Variants in ACOD1 observed in about 807,000 individuals in gnomAD.
The protein encoded by ACOD1 is cis-aconitate decarboxylase.
A neutral mutation model predicts 14.2 loss-of-function variants in ACOD1; 14 were observed. That is an observed-to-expected ratio of 0.99 (90% CI 0.65 to 1.54). The LOEUF is 1.54. Ranked by LOEUF, ACOD1 falls within the 40% of genes most tolerant of loss-of-function variation. The probability of loss-of-function intolerance (pLI) is 0.00; values close to 1 mark genes in which losing one functional copy is unlikely to be tolerated. For synonymous variants in ACOD1, 182 were observed against 221.7 expected, an observed-to-expected ratio of 0.82 and a Z score of 1.59; for missense variants, 530 against 586.3, an observed-to-expected ratio of 0.90 and a Z score of 0.99.
Position 76,955,433 on chromosome 13 carries a change from G to A in ACOD1, c.379G>A (p.Gly127Ser), listed in dbSNP as rs1386647072. The A allele has an allele frequency of 5.2e-6, 8 of 1,550,506 alleles. No homozygotes were observed. In the Admixed American group the frequency reaches 1.6e-4, roughly 30 times the overall value. ...EALPRSPKFS[G>S]LDLLLAFNVG... is the part of the protein sequence containing the mutation. ...CCTGCCAAGGAGTCCAAAGTTTTCT[G>A]GCCTTGACCTGCTGCTGGCTTTCAA... The change falls in exon 4 of 5, where the codon GGC becomes AGC. Residue 127 changes from glycine to serine, a missense_variant. Physicochemically the swap from Gly to Ser is moderately conservative, Grantham distance 56 (BLOSUM62 0). Transcript: ENST00000377462.
chr13:76,952,367 C>T, intron 1 of ACOD1, 122 bp from the exon 2 acceptor site: 1 of 749,636 alleles, frequency 1.3e-6, no homozygotes, highest in Non-Finnish European at 2.1e-6. Flanking sequence ...TAAATCTGAG[C>T]AACTGGGTTT....
chr13:76,949,736 G>A (rs2033805396), intron 1 of ACOD1, among the ~76,000 whole-genome samples: 1 of 152,136 alleles, frequency 6.6e-6, no homozygotes, highest in African/African-American at 2.4e-5. Context: ...GGTTTGTGGG[G>A]GTGAGAAGAG....
At position 76,952,411 on chromosome 13, in the gene ACOD1, G is replaced by A. The variant is rs1363089144; in HGVS notation, c.13-78G>A. On this transcript the variant is annotated intron_variant, in intron 1 of 4. Transcript: ENST00000377462. ...GGAGCAAAACTCTTTATGCAAAAGT[G>A]CCTCAAGGTGTCTTATAGAACAGAA... 19 of 1,243,670 alleles carry A rather than the reference G, an allele frequency of 1.5e-5. No homozygotes were observed. The East Asian group carries it at 4.9e-4, about 32-fold the overall frequency. 77.0% of individuals were successfully genotyped at this position (1,243,670 alleles called of 1,614,324 possible).
Position 76,952,521 on chromosome 13 carries a change from T to C in ACOD1, c.45T>C (p.His15=). The C allele has an allele frequency of 1.3e-6, 2 of 1,550,476 alleles. No homozygotes were observed. The highest frequency in any genetic ancestry group is 1.7e-4 in the Middle Eastern group (1 of 5,992). Residue 15 remains histidine (H), a synonymous_variant, in exon 2 of 5, where the codon CAT becomes CAC. Transcript: ENST00000377462. ...SITESFATAI[H]GLKVGHLTDR... Reference sequence around the variant, plus strand: ...CAGAAAGCTTTGCCACAGCAATCCATGGCTTGAAAGTGGGACACCTGACAG... The same window carrying C: ...CAGAAAGCTTTGCCACAGCAATCCACGGCTTGAAAGTGGGACACCTGACAG...
chr13:76,954,125 G>A (rs781624778), intron 3 of ACOD1, among the ~76,000 whole-genome samples: 11 of 152,146 alleles, frequency 7.2e-5, no homozygotes, highest in Non-Finnish European at 1.0e-4. Context: ...TATAGTGTCT[G>A]TATTTTCTGA....
chr13:76,957,718 G>T lies in ACOD1; in HGVS notation c.1179G>T (p.Lys393Asn). The change falls in exon 5 of 5, where the codon AAG becomes AAT. Residue 393 changes from lysine (K) to asparagine (N), a missense_variant. Transcript: ENST00000377462. Reference sequence around the variant, plus strand: ...ACTGTGAAATAAGTGTCACCCTCAAGGATGGAGCCACCTTCACAGATCGCT... The same window carrying T: ...ACTGTGAAATAAGTGTCACCCTCAATGATGGAGCCACCTTCACAGATCGCT... ...ILYCEISVTL[K>N]DGATFTDRSD... 6.4e-7 allele frequency: 1 copy of T among 1,550,668 alleles called. No individual in the cohort carries two copies. The highest frequency in any genetic ancestry group is 8.7e-7 in the Non-Finnish European group (1 of 1,147,010).
chr13:76,955,415 A>C lies in ACOD1; in HGVS notation c.361A>C (p.Arg121=). Residue 121 remains arginine (R), a synonymous_variant, in exon 4 of 5, where the codon AGG becomes CGG. Transcript: ENST00000377462. ...VLTALAEALP[R]SPKFSGLDLL... ...CACAGCTTTAGCAGAAGCCCTGCCA[A>C]GGAGTCCAAAGTTTTCTGGCCTTGA... 2.6e-6 allele frequency: 4 copies of C among 1,550,616 alleles called. No individual in the cohort carries two copies. The highest frequency in any genetic ancestry group is 3.5e-6 in the Non-Finnish European group (4 of 1,147,006).
intron 4 of ACOD1, among the ~76,000 whole-genome samples, chr13:76,956,234 G>A (rs2033873967): frequency 6.6e-6 from 1 of 152,100 alleles, no homozygotes; most frequent in Non-Finnish European, 1.5e-5. Context: ...ATGGAGTCTC[G>A]CTCTGTTGCC....
In ACOD1 at chr13:76,952,592, G is replaced by A. The variant is rs140664246; in HGVS notation, c.116G>A (p.Gly39Asp). The change falls in exon 2 of 5, where the codon GGT (glycine) becomes GAT (aspartate). Residue 39 changes from glycine to aspartate, a missense_variant. Gly to Asp is a moderately conservative substitution (Grantham distance 94, BLOSUM62 -1). Coordinates refer to ENST00000377462, the MANE Select transcript of ACOD1 (RefSeq NM_001258406.2). ...AAGAGGATGATTCTAGACACTCTGGGTGCTGGGTTCCTGGGAACCACTACG... is the reference window on the plus strand; with the variant it reads ...AAGAGGATGATTCTAGACACTCTGGATGCTGGGTTCCTGGGAACCACTACG... ...RSKRMILDTLGAGFLGTTTEV... is the reference protein window; with the variant it reads ...RSKRMILDTLDAGFLGTTTEV... 1.4e-5 allele frequency: 22 copies of A among 1,550,458 alleles called. No homozygotes were observed. In the Middle Eastern group the frequency reaches 6.7e-4, roughly 47 times the overall value.
chr13:76,952,887 C>G (rs2033836186), intron 2 of ACOD1, among the ~76,000 whole-genome samples: 1 of 152,300 alleles, frequency 6.6e-6, no homozygotes, highest in South Asian at 2.1e-4. Flanking sequence ...AATCCCAGCA[C>G]TACCAGAGGC....
In ACOD1 at chr13:76,957,357, G is replaced by A. The variant is rs61741168; in HGVS notation, c.818G>A (p.Arg273His). 2,094 of 1,550,608 alleles carry A rather than the reference G, an allele frequency of 1.4e-3. 22 individuals carry two copies. The African/African-American group carries it at 0.022, about 16-fold the overall frequency. ...LLDQQDVAFK[R>H]FPAHLSTHWV... ...GACCAGCAGGACGTGGCCTTTAAGCGTTTTCCTGCACATTTATCTACCCAC... is the reference window on the plus strand; with the variant it reads ...GACCAGCAGGACGTGGCCTTTAAGCATTTTCCTGCACATTTATCTACCCAC... The change falls in exon 5 of 5, where the codon CGT (arginine) becomes CAT (histidine). Residue 273 changes from arginine (R) to histidine (H), a missense_variant. By Grantham distance (29) the Arg-to-His change is conservative (BLOSUM62 0). Coordinates refer to ENST00000377462, the MANE Select transcript of ACOD1 (RefSeq NM_001258406.2).
rs2033885566 is a variant in ACOD1 at position 76,957,189 on chromosome 13, A to G, written c.650A>G (p.His217Arg). 6.4e-7 allele frequency: 1 copy of G among 1,550,642 alleles called. No homozygotes were observed. The highest frequency in any genetic ancestry group is 8.7e-7 in the Non-Finnish European group (1 of 1,147,008). Residue 217 changes from histidine to arginine, a missense_variant, in exon 5 of 5, where the codon CAT becomes CGT. Coordinates refer to ENST00000377462, the MANE Select transcript of ACOD1 (RefSeq NM_001258406.2). ...KPLHIGNAAKHGIEAAFLAML... is the reference protein window; with the variant it reads ...KPLHIGNAAKRGIEAAFLAML... ...CTCCACATTGGCAATGCTGCCAAGC[A>G]TGGGATAGAAGCTGCATTTTTGGCA...
intron 3 of ACOD1, among the ~76,000 whole-genome samples, chr13:76,954,728 C>T (rs1267412525): frequency 6.6e-6 from 1 of 152,116 alleles, no homozygotes; most frequent in Non-Finnish European, 1.5e-5. Flanking sequence ...GGAGCTCAGG[C>T]CACCAGGGCA....
Position 76,950,612 on chromosome 13 carries a change from T to C in ACOD1, c.13-1877T>C, listed in dbSNP as rs149806309. ...TTCACACTGAGCCCATCATCATTGC[T>C]TGGAAGGCTGCTCCTCTTCCTGTGT... On this transcript the variant is annotated intron_variant, in intron 1 of 4. Transcript: ENST00000377462. Among the ~76,000 whole-genome samples the C allele has an allele frequency of 9.8e-5, 15 of 152,306 alleles. No individual in the cohort carries two copies. The East Asian group carries it at 2.9e-3, about 29-fold the overall frequency.
At chr13:76,952,813 C>T (rs2033835660) in intron 2 of ACOD1, among the ~76,000 whole-genome samples, 163 bp downstream of exon 2, 1 of 152,028 alleles carries the variant, frequency 6.6e-6, no homozygotes, top group Admixed American at 6.6e-5. Flanking sequence ...AATAGTCATC[C>T]ATATTCTTTA....
chr13:76,953,713 C>T (rs1370734196), intron 3 of ACOD1, 24 bp downstream of exon 3: 1 of 1,326,574 alleles, frequency 7.5e-7, no homozygotes, highest in Non-Finnish European at 1.1e-6. Flanking sequence ...CACGTCTTTT[C>T]AACTATTAGA....
intron 3 of ACOD1, among the ~76,000 whole-genome samples, 193 bp from the exon 4 acceptor site, chr13:76,955,126 C>CAAAAAAAAA (rs34230053): frequency 1.0e-4 from 10 of 98,874 alleles, no homozygotes; most frequent in Non-Finnish European, 1.5e-4. Flanking sequence ...GACTCTGTCT[C>CAAAAAAAAA]AAAAAAAAAA....
intron 1 of ACOD1, among the ~76,000 whole-genome samples, chr13:76,951,715 C>T (rs1039301851): frequency 6.6e-6 from 1 of 152,096 alleles, no homozygotes; most frequent in Non-Finnish European, 1.5e-5. Context: ...CCATATTGTA[C>T]GTAAGAGCAC....
chr13:76,953,437 A>T (rs2033842673), intron 2 of ACOD1, among the ~76,000 whole-genome samples, 163 bp from the exon 3 acceptor site: 1 of 152,198 alleles, frequency 6.6e-6, no homozygotes, highest in Admixed American at 6.5e-5. Context: ...AGAGCTGTGT[A>T]TTCTACAAGG....
Sources: gnomAD v4.1 joint callset for allele counts (sites outside exome capture counted in the v4.1 genomes callset) on GRCh38, gnomAD v4.1.1 for gene constraint, MANE v1.5 for transcripts, NCBI Gene and HGNC (gene_info 2026-07-23, HGNC 2026-07-21) for gene names.